The following NFKB2 variants were observed in gnomAD, a reference collection of about 807,000 sequenced individuals.
The protein encoded by NFKB2 is nuclear factor NF-kappa-B p100 subunit.
In NFKB2, 21 loss-of-function variants were observed where a neutral mutation model predicts 109.3. The ratio of observed to expected loss-of-function variants is 0.19; its 90% CI spans 0.14 to 0.28. The LOEUF is 0.28. NFKB2 is among the 10% of genes least tolerant of loss of function. NFKB2 has a pLI of 1.00. For synonymous variants in NFKB2, 478 were observed against 489.9 expected, an observed-to-expected ratio of 0.98 and a Z score of 0.32; for missense variants, 806 against 1,185.3, an observed-to-expected ratio of 0.68 and a Z score of 4.70.
At position 102,397,461 on chromosome 10, in the gene NFKB2, G is replaced by A; in HGVS notation, c.502+53G>A. 6.2e-7 allele frequency: 1 copy of A among 1,602,830 alleles called. No homozygotes were observed. Among genetic ancestry groups the A allele is most frequent in the Non-Finnish European group, 8.5e-7 (1 of 1,173,704 alleles). ...TGGGTGCAGGGGGTGGGTGGGTCAT[G>A]GGAGGTGCTCATGGAAGGAGCAGGG... is the stretch of plus-strand genomic sequence containing the variant. On this transcript the variant is annotated intron_variant, in intron 7 of 22. Coordinates refer to ENST00000661543, the MANE Select transcript of NFKB2 (RefSeq NM_001322934.2). The surrounding 1 kb of genome is among the most constrained non-coding windows in gnomAD (Gnocchi z 4.7).
chr10:102,395,967 G>A lies in NFKB2; in HGVS notation c.8G>A (p.Ser3Asn), dbSNP rs778625681. 6.2e-7 allele frequency: 1 copy of A among 1,612,742 alleles called. No individual in the cohort carries two copies. The highest frequency in any genetic ancestry group is 1.3e-5 in the African/African-American group (1 of 74,910). The change falls in exon 2 of 23, where the codon AGT becomes AAT. Residue 3 changes from serine to asparagine, a missense_variant. Physicochemically the swap from Ser to Asn is conservative, Grantham distance 46. Coordinates refer to ENST00000661543, the MANE Select transcript of NFKB2 (RefSeq NM_001322934.2). Reference sequence around the variant, plus strand: ...CGGGCCTAGCCCAGAGACATGGAGAGTTGCTACAACCCAGTGAGTCATGCC... The same window carrying A: ...CGGGCCTAGCCCAGAGACATGGAGAATTGCTACAACCCAGTGAGTCATGCC... ME[S>N]CYNPGLDGII...
At chr10:102,399,984 A>G in intron 14 of NFKB2, 96 bp from the exon 15 acceptor site, 2 of 1,315,758 alleles carry the variant, frequency 1.5e-6, no homozygotes, top group Non-Finnish European at 2.1e-6. Context: ...GCTGGGTTCC[A>G]TGGGCCCCAG....
At position 102,399,333 on chromosome 10, in the gene NFKB2, A is replaced by T. The variant is rs758025082; in HGVS notation, c.1163A>T (p.Tyr388Phe). Residue 388 changes from tyrosine to phenylalanine, a missense_variant, in exon 13 of 23, where the codon TAC becomes TTC. Transcript: ENST00000661543. ...CCCTCCTCCCTGGCCTACAGCCCCTACCAGTCCGGCGCGGGCCCCATGGGC... is the reference window on the plus strand; with the variant it reads ...CCCTCCTCCCTGGCCTACAGCCCCTTCCAGTCCGGCGCGGGCCCCATGGGC... ...FFPSSLAYSP[Y>F]QSGAGPMGCY... The T allele has an allele frequency of 6.3e-7, 1 of 1,585,324 alleles. No individual in the cohort carries two copies. Among genetic ancestry groups the T allele is most frequent in the African/African-American group, 1.4e-5 (1 of 73,318 alleles).
chr10:102,401,456 C>T lies in NFKB2; in HGVS notation c.2231C>T (p.Thr744Ile). The T allele has an allele frequency of 1.9e-6, 3 of 1,613,856 alleles. No homozygotes were observed. Among genetic ancestry groups the T allele is most frequent in the Non-Finnish European group, 1.7e-6 (2 of 1,179,956 alleles). The change falls in exon 20 of 23, where the codon ACC becomes ATC. Residue 744 changes from threonine (T) to isoleucine (I), a missense_variant. Physicochemically the swap from Thr to Ile is moderately conservative, Grantham distance 89. Transcript: ENST00000661543. The surrounding 1 kb of genome is among the most constrained non-coding windows in gnomAD (Gnocchi z 4.2). ...CTGCGGCTGTCTCCCCAGGTGAAGA[C>T]CTTGCTGCTAAATGCTGCTCAGAAC... ...LDLTCSTKVK[T>I]LLLNAAQNTM...
rs932668046 is a variant in NFKB2, at chr10:102,401,272, A to C, written c.2164A>C (p.Lys722Gln). The C allele has an allele frequency of 2.5e-6, 4 of 1,611,960 alleles. No individual in the cohort carries two copies. The African/African-American group carries it at 5.3e-5, about 22-fold the overall frequency. Residue 722 changes from lysine to glutamine, a missense_variant, in exon 19 of 23, where the codon AAG (lysine) becomes CAG (glutamine). Around this residue, in one of 10 missense-constraint regions of NFKB2, gnomAD observed 211 missense variants for 268.7 expected, o/e 0.79. Transcript: ENST00000661543. The surrounding 1 kb of genome is among the most constrained non-coding windows in gnomAD (Gnocchi z 4.2). ...DSDSDSEGPE[K>Q]DTRSSFRGHT... ...CGACTCGGACTCTGAAGGGCCTGAG[A>C]AGGACACCCGAAGCAGCTTCCGGGG...
At position 102,397,835 on chromosome 10, in the gene NFKB2, C is replaced by G. The variant is rs1232926552; in HGVS notation, c.662-146C>G. 1.7e-5 allele frequency: 22 copies of G among 1,268,138 alleles called. No individual in the cohort carries two copies. Among genetic ancestry groups the G allele is most frequent in the African/African-American group, 3.0e-5 (2 of 66,902 alleles). The allele number at this position is 1,268,138 out of a possible 1,614,324, so 78.6% of individuals were successfully genotyped here. On this transcript the variant is annotated intron_variant, in intron 8 of 22. Coordinates refer to ENST00000661543, the MANE Select transcript of NFKB2 (RefSeq NM_001322934.2). This position sits in a 1 kb window ranked among gnomAD's most constrained non-coding sequence, Gnocchi z 4.7. ...GATCCTGAGCAAGTCATTTCCCCCC[C>G]GAAGCTTCTGTCTTTAGTAAATGTG...
Position 102,395,977 on chromosome 10 carries a change from C to T in NFKB2, c.18C>T (p.Asn6=), listed in dbSNP as rs773041008. 1.2e-6 allele frequency: 2 copies of T among 1,612,622 alleles called. No individual in the cohort carries two copies. The highest frequency in any genetic ancestry group is 2.2e-5 in the East Asian group (1 of 44,876). MESCY[N]PGLDGIIEYD... ...CCAGAGACATGGAGAGTTGCTACAA[C>T]CCAGTGAGTCATGCCGCCTGCCCCT... The change falls in exon 2 of 23, where the codon AAC becomes AAT. Residue 6 remains asparagine (N), a synonymous_variant. Transcript: ENST00000661543.
Position 102,402,508 on chromosome 10 carries a change from C to G in NFKB2, c.*132C>G, listed in dbSNP as rs544431873. On this transcript the variant is annotated 3_prime_UTR_variant, in exon 23 of 23. Transcript: ENST00000661543. ...AGGATTCTCATGGGAAGGGGAGGAC[C>G]CCTCCTTCCCAACTTATGGCAGCCC... 2.2e-4 allele frequency: 130 copies of G among 590,268 alleles called. 2 individuals carry two copies. The East Asian group carries it at 3.4e-3, about 15-fold the overall frequency. The allele number at this position is 590,268 out of a possible 1,614,324, so 36.6% of individuals were successfully genotyped here.
At chr10:102,399,813 C>T in intron 14 of NFKB2, 95 bp downstream of exon 14, 1 of 1,420,352 alleles carries the variant, frequency 7.0e-7, no homozygotes, top group East Asian at 2.5e-5. Context: ...ACACGCCAGG[C>T]TTCAAGTCCG....
Position 102,401,861 on chromosome 10 carries a change from G to A in NFKB2, c.2410G>A (p.Val804Ile). The A allele has an allele frequency of 6.2e-7, 1 of 1,613,908 alleles. No homozygotes were observed. Among genetic ancestry groups the A allele is most frequent in the East Asian group, 2.2e-5 (1 of 44,874 alleles). ...AGAGCGTCTGGGGCTGCGCAGCCTG[G>A]TAGACACGTACCGACAGACAACCTC... ...LAERLGLRSL[V>I]DTYRQTTSPS... Residue 804 changes from valine to isoleucine, a missense_variant, in exon 21 of 23, where the codon GTA becomes ATA. Val to Ile is a conservative substitution (Grantham distance 29). This residue lies in a region of NFKB2 where 211 missense variants were observed against 268.7 expected (regional missense o/e 0.79). Coordinates refer to ENST00000661543, the MANE Select transcript of NFKB2 (RefSeq NM_001322934.2). The surrounding 1 kb of genome is among the most constrained non-coding windows in gnomAD (Gnocchi z 4.2).
At position 102,396,296 on chromosome 10, in the gene NFKB2, C is replaced by T; in HGVS notation, c.65C>T (p.Ser22Phe). Reference sequence around the variant, plus strand: ...GAATATGATGATTTCAAATTGAACTCCTCCATTGTGGAACCCAAGGAGCCA... The same window carrying T: ...GAATATGATGATTTCAAATTGAACTTCTCCATTGTGGAACCCAAGGAGCCA... ...IIEYDDFKLN[S>F]SIVEPKEPAP... Residue 22 changes from serine to phenylalanine, a missense_variant, in exon 3 of 23, where the codon TCC becomes TTC. Physicochemically the swap from Ser to Phe is radical, Grantham distance 155. Transcript: ENST00000661543. The surrounding 1 kb of genome is among the most constrained non-coding windows in gnomAD (Gnocchi z 5.9). 6.2e-7 allele frequency: 1 copy of T among 1,613,460 alleles called. No individual in the cohort carries two copies. Among genetic ancestry groups the T allele is most frequent in the Non-Finnish European group, 8.5e-7 (1 of 1,179,462 alleles).
Position 102,398,105 on chromosome 10 carries a change from T to C in NFKB2, c.766+20T>C, listed in dbSNP as rs745905351. On this transcript the variant is annotated intron_variant, in intron 9 of 22. Coordinates refer to ENST00000661543, the MANE Select transcript of NFKB2 (RefSeq NM_001322934.2). The surrounding 1 kb of genome is among the most constrained non-coding windows in gnomAD (Gnocchi z 6.6). ...AGAAAGGTGAGACTGGAGCCCACTT[T>C]GGGCACCAAGGACATCGAGTATAAG... The C allele has an allele frequency of 1.4e-5, 22 of 1,613,904 alleles. No individual in the cohort carries two copies. The highest frequency in any genetic ancestry group is 2.2e-5 in the South Asian group (2 of 91,084).
rs1440192713 is a variant in NFKB2, at chr10:102,398,756, C to T, written c.1009C>T (p.Arg337Trp). Residue 337 changes from arginine to tryptophan, a missense_variant, in exon 12 of 23, where the codon CGG (arginine) becomes TGG (tryptophan). By Grantham distance (101) the Arg-to-Trp change is moderately radical. Around this residue, in one of 10 missense-constraint regions of NFKB2, gnomAD observed 209 missense variants for 211.9 expected, o/e 0.99. Transcript: ENST00000661543. The surrounding 1 kb of genome is among the most constrained non-coding windows in gnomAD (Gnocchi z 6.6). ...GCCCCCAGACAAGGAAGAGGTGCAGCGGAAGCGGAGGAAGGCCTTGCCCAC... is the reference window on the plus strand; with the variant it reads ...GCCCCCAGACAAGGAAGAGGTGCAGTGGAAGCGGAGGAAGGCCTTGCCCAC... ...PLVEDKEEVQRKRRKALPTFS... is the reference protein window; with the variant it reads ...PLVEDKEEVQWKRRKALPTFS... 4 of 1,612,318 alleles carry T rather than the reference C, an allele frequency of 2.5e-6. No individual in the cohort carries two copies. Among genetic ancestry groups the T allele is most frequent in the Non-Finnish European group, 3.4e-6 (4 of 1,179,970 alleles).
chr10:102,402,470 T>C lies in NFKB2; in HGVS notation c.*94T>C. 1 of 696,756 alleles carries C rather than the reference T, an allele frequency of 1.4e-6. No homozygotes were observed. The highest frequency in any genetic ancestry group is 2.3e-6 in the Non-Finnish European group (1 of 426,184). The allele number at this position is 696,756 out of a possible 1,614,324, so 43.2% of individuals were successfully genotyped here. A position where few individuals can be genotyped will look rare whatever the true frequency, so the allele number is the denominator to read the frequency against. ...TTAACACCCCACACCCACCCCTCAG[T>C]TGGGACAAATAAAGGATTCTCATGG... On this transcript the variant is annotated 3_prime_UTR_variant, in exon 23 of 23. Transcript: ENST00000661543.
chr10:102,399,608 G>T lies in NFKB2; in HGVS notation c.1359G>T (p.Leu453=). 1.3e-6 allele frequency: 2 copies of T among 1,548,310 alleles called. No individual in the cohort carries two copies. ...AREYNARLFG[L]AQRSARALLD... is the part of the protein sequence containing the mutation. ...AGTACAACGCGCGCCTGTTCGGCCT[G>T]GCGCAGCGCAGCGCCCGAGCCCTAC... The change falls in exon 14 of 23, where the codon CTG becomes CTT. Residue 453 remains leucine (L), a synonymous_variant. Coordinates refer to ENST00000661543, the MANE Select transcript of NFKB2 (RefSeq NM_001322934.2).
In NFKB2 at chr10:102,395,881, A is replaced by T. The variant is rs568175903; in HGVS notation, c.-72-7A>T. ...CCCCTCCCCCACGCCACTCCTCCCA[A>T]CTTTAGGCGGGCGTCTAAAATTCTG... On this transcript the variant is annotated splice_polypyrimidine_tract_variant and splice_region_variant and intron_variant, in intron 1 of 22. Transcript: ENST00000661543. The T allele has an allele frequency of 8.2e-7, 1 of 1,226,986 alleles. No homozygotes were observed. Among genetic ancestry groups the T allele is most frequent in the African/African-American group, 1.9e-5 (1 of 52,654 alleles). 76.0% of individuals were successfully genotyped at this position (1,226,986 alleles called of 1,614,324 possible). A position where few individuals can be genotyped will look rare whatever the true frequency, so the allele number is the denominator to read the frequency against.
Position 102,401,136 on chromosome 10 carries a change from G to A in NFKB2, c.2072-44G>A, listed in dbSNP as rs1205739898. 6 of 1,604,454 alleles carry A rather than the reference G, an allele frequency of 3.7e-6. No homozygotes were observed. The highest frequency in any genetic ancestry group is 1.3e-5 in the African/African-American group (1 of 74,738). ...GTCCCCCGACTTTGCAGTCCTTAAT[G>A]TAGGCCCCCACCATACCGCCCCATG... On this transcript the variant is annotated intron_variant, in intron 18 of 22. Transcript: ENST00000661543. This position sits in a 1 kb window ranked among gnomAD's most constrained non-coding sequence, Gnocchi z 4.2.
At position 102,398,126 on chromosome 10, in the gene NFKB2, A is replaced by G. The variant is rs774816477; in HGVS notation, c.766+41A>G. 12 of 1,612,858 alleles carry G rather than the reference A, an allele frequency of 7.4e-6. No individual in the cohort carries two copies. The East Asian group carries it at 2.0e-4, about 27-fold the overall frequency. On this transcript the variant is annotated intron_variant, in intron 9 of 22. Coordinates refer to ENST00000661543, the MANE Select transcript of NFKB2 (RefSeq NM_001322934.2). The surrounding 1 kb of genome is among the most constrained non-coding windows in gnomAD (Gnocchi z 6.6). ...ACTTTGGGCACCAAGGACATCGAGTATAAGACTGGGGCCAGGGAAGCTCTA... is the reference window on the plus strand; with the variant it reads ...ACTTTGGGCACCAAGGACATCGAGTGTAAGACTGGGGCCAGGGAAGCTCTA...
rs754132804 is a variant in NFKB2 at position 102,397,426 on chromosome 10, G to A, written c.502+18G>A. The A allele has an allele frequency of 4.9e-5, 79 of 1,605,356 alleles. No homozygotes were observed. The Admixed American group carries it at 6.0e-4, about 12-fold the overall frequency. ...CCTTACGGGTATGGGTGCAGGGGGT[G>A]GGTCGGGTATGGGTGCAGGGGGTGG... On this transcript the variant is annotated intron_variant, in intron 7 of 22. Transcript: ENST00000661543. This position sits in a 1 kb window ranked among gnomAD's most constrained non-coding sequence, Gnocchi z 4.7.
Sources: gnomAD v4.1 joint callset for allele counts on GRCh38, gnomAD v4.1.1 for gene constraint, gnomAD v4.1.1 regional missense constraint, Gnocchi (gnomAD v3.1) non-coding constraint, MANE v1.5 for transcripts, NCBI Gene and HGNC (gene_info 2026-07-23, HGNC 2026-07-21) for gene names.